Variants in SEZ6L observed in about 807,000 individuals in gnomAD.
SEZ6L encodes seizure 6-like protein.
SEZ6L carries 37 observed loss-of-function variants against 106.2 expected under a neutral mutation model. That is an observed-to-expected ratio of 0.35 (90% CI 0.27 to 0.46). The LOEUF (loss-of-function observed/expected upper bound fraction) is 0.46, where lower values mean the gene tolerates loss of function less well. Among genes scored for constraint, SEZ6L ranks in the 20% least tolerant of loss-of-function variants. The pLI is 1.00. For synonymous variants in SEZ6L, 541 were observed against 570.4 expected (o/e 0.95, Z 0.73); for missense variants, 1,172 against 1,332.8 (o/e 0.88, Z 1.88).
intron 1 of SEZ6L, among the ~76,000 whole-genome samples, chr22:26,243,826 AATG>A (rs1450282371): frequency 1.3e-5 from 2 of 151,996 alleles, no homozygotes; most frequent in Non-Finnish European, 2.9e-5. Flanking sequence ...AGAGAAGAAA[AATG>A]AGCAGGGAGG....
At chr22:26,271,546 T>C (rs1484192260) in intron 1 of SEZ6L, among the ~76,000 whole-genome samples, 1 of 152,212 alleles carries the variant, frequency 6.6e-6, no homozygotes, top group Non-Finnish European at 1.5e-5. Flanking sequence ...ATAAATGGCT[T>C]GGCGTCTTTC....
intron 13 of SEZ6L, among the ~76,000 whole-genome samples, chr22:26,372,852 T>C (rs1414704452): frequency 6.6e-6 from 1 of 152,194 alleles, no homozygotes; most frequent in Non-Finnish European, 1.5e-5. Flanking sequence ...TTAGAGAGGT[T>C]TACATAGATA....
At position 26,348,632 on chromosome 22, in the gene SEZ6L, G is replaced by GAA. The variant is rs1417403619; in HGVS notation, c.2407+721_2407+722dup. On this transcript the variant is annotated intron_variant, in intron 11 of 16. Transcript: ENST00000248933. Reference sequence around the variant, plus strand: ...AGAGAAAAAGAAAGAAAGAAAGAAAGAAAGAAAGAAAGAAAAAGAAAGAAA... The same window carrying GAA: ...AGAGAAAAAGAAAGAAAGAAAGAAAGAAAAAGAAAGAAAGAAAAAGAAAGAAA... 1.4e-4 allele frequency among the ~76,000 whole-genome samples: 4 copies of GAA among 29,330 alleles called. No homozygotes were observed. The South Asian group carries it at 5.1e-3, about 38-fold the overall frequency. 19.2% of individuals were successfully genotyped at this position (29,330 alleles called of 152,430 possible).
chr22:26,334,599 C>A (rs1450117131), intron 9 of SEZ6L, among the ~76,000 whole-genome samples: 1 of 152,112 alleles, frequency 6.6e-6, no homozygotes. Flanking sequence ...AGTATCAGGG[C>A]CAGGTGAGGA....
At chr22:26,281,551 A>AT (rs200851045) in intron 1 of SEZ6L, among the ~76,000 whole-genome samples, 5 of 151,184 alleles carry the variant, frequency 3.3e-5, no homozygotes, top group South Asian at 2.1e-4. Context: ...CTTTTTTTAA[A>AT]TTTTTTTTAG....
chr22:26,348,662 G>A (rs1364458732), intron 11 of SEZ6L, among the ~76,000 whole-genome samples: 3 of 59,172 alleles, frequency 5.1e-5, no homozygotes, highest in Admixed American at 1.9e-4. Context: ...AAGAAAGAAA[G>A]AAAGAAAGAA....
intron 1 of SEZ6L, among the ~76,000 whole-genome samples, chr22:26,198,666 A>G (rs1940740067): frequency 6.6e-6 from 1 of 152,170 alleles, no homozygotes; most frequent in Non-Finnish European, 1.5e-5. Flanking sequence ...TCCAGAGAGG[A>G]TGAACACTGT....
intron 1 of SEZ6L, among the ~76,000 whole-genome samples, chr22:26,245,697 G>C (rs1399956491): frequency 6.6e-6 from 1 of 152,208 alleles, no homozygotes; most frequent in Non-Finnish European, 1.5e-5. Flanking sequence ...CCTCCTCTGA[G>C]AGTGGCCGCT....
At chr22:26,347,665 G>T (rs2146006268) in intron 10 of SEZ6L, 54 bp from the exon 11 acceptor site, 3 of 1,461,480 alleles carry the variant, frequency 2.1e-6, no homozygotes, top group Middle Eastern at 1.8e-4. Context: ...ATAAAAGGAG[G>T]CCCCGACAAC....
At chr22:26,267,931 C>G (rs911561089) in intron 1 of SEZ6L, among the ~76,000 whole-genome samples, 2 of 152,208 alleles carry the variant, frequency 1.3e-5, no homozygotes, top group Non-Finnish European at 2.9e-5. Context: ...CTGGCTGCAT[C>G]TGGACCATTG....
At chr22:26,328,465 G>C (rs888676335) in intron 9 of SEZ6L, among the ~76,000 whole-genome samples, 3 of 152,198 alleles carry the variant, frequency 2.0e-5, no homozygotes, top group Non-Finnish European at 4.4e-5. Flanking sequence ...ATTTGAACCT[G>C]TTCTCTTAAT....
chr22:26,345,831 A>G (rs1457488801), intron 10 of SEZ6L, among the ~76,000 whole-genome samples: 1 of 152,206 alleles, frequency 6.6e-6, no homozygotes, highest in African/African-American at 2.4e-5. Context: ...TGAAGCAAGA[A>G]TAGTAATAGT....
chr22:26,244,459 G>A (rs539382115), intron 1 of SEZ6L: 2 of 152,352 alleles, frequency 1.3e-5, no homozygotes, highest in African/African-American at 4.8e-5. Flanking sequence ...GAGAGAGAAA[G>A]GTGCTCTCTG....
At chr22:26,338,569 A>AAT (rs1556362165) in intron 9 of SEZ6L, among the ~76,000 whole-genome samples, 11 of 150,740 alleles carry the variant, frequency 7.3e-5, no homozygotes, top group South Asian at 4.2e-4. Flanking sequence ...AAAAAAAAAA[A>AAT]TTTTTTTTGA....
At chr22:26,226,809 AG>A (rs1490725758) in intron 1 of SEZ6L, among the ~76,000 whole-genome samples, 1 of 152,198 alleles carries the variant, frequency 6.6e-6, no homozygotes, top group Non-Finnish European at 1.5e-5. Flanking sequence ...TTTTGAAGAG[AG>A]CAGACTCAAC....
chr22:26,354,535 G>A (rs2083378115), intron 12 of SEZ6L, among the ~76,000 whole-genome samples: 1 of 152,206 alleles, frequency 6.6e-6, no homozygotes, highest in Non-Finnish European at 1.5e-5. Flanking sequence ...TAGGACGTCA[G>A]TGTCATTCCC....
chr22:26,206,280 T>C (rs571075771), intron 1 of SEZ6L, among the ~76,000 whole-genome samples: 2 of 152,208 alleles, frequency 1.3e-5, no homozygotes, highest in Admixed American at 6.5e-5. Flanking sequence ...TGAGAAAATG[T>C]CCAGAACCAC....
At chr22:26,258,711 A>G (rs941160131) in intron 1 of SEZ6L, among the ~76,000 whole-genome samples, 4 of 152,332 alleles carry the variant, frequency 2.6e-5, no homozygotes. Context: ...TATCTAGAAA[A>G]TGATGCATAA....
rs1469831190 is a variant in SEZ6L at position 26,292,568 on chromosome 22, A to G, written c.257A>G (p.Asp86Gly). The G allele has an allele frequency of 1.9e-6, 3 of 1,613,816 alleles. No individual in the cohort carries two copies. The highest frequency in any genetic ancestry group is 1.7e-5 in the Admixed American group (1 of 60,006). The part of the protein sequence containing the change: ...SAEVLGELVL[D>G]GTAPSAHHDI... ...GAAGTGCTGGGCGAGCTGGTGCTGGATGGGACCGCACCCTCTGCACATCAC... is the reference window on the plus strand; with the variant it reads ...GAAGTGCTGGGCGAGCTGGTGCTGGGTGGGACCGCACCCTCTGCACATCAC... The change falls in exon 2 of 17, where the codon GAT becomes GGT. Residue 86 changes from aspartate (D) to glycine (G), a missense_variant. Around this residue, in one of 4 missense-constraint regions of SEZ6L, gnomAD observed 494 missense variants for 445.8 expected, o/e 1.11. Coordinates refer to ENST00000248933, the MANE Select transcript of SEZ6L (RefSeq NM_021115.5).
Sources: gnomAD v4.1 joint callset for allele counts (sites outside exome capture counted in the v4.1 genomes callset) on GRCh38, gnomAD v4.1.1 for gene constraint, gnomAD v4.1.1 regional missense constraint, MANE v1.5 for transcripts, NCBI Gene and HGNC (gene_info 2026-07-23, HGNC 2026-07-21) for gene names.